LMNTD1: variants seen among roughly 807,000 people sequenced by gnomAD.
LMNTD1 encodes lamin tail domain containing 1, also known as lamin tail domain-containing protein 1.
Under a neutral mutation model 50.9 loss-of-function variants are expected in LMNTD1, and 35 were observed. The observed-to-expected ratio is 0.69, with a 90% CI of 0.53 to 0.91. The LOEUF (loss-of-function observed/expected upper bound fraction) is 0.91. Among genes scored for constraint, LMNTD1 ranks in the 40% least tolerant of loss-of-function variants. The pLI, the probability that LMNTD1 is intolerant of heterozygous loss-of-function variation, is 0.00. For synonymous variants in LMNTD1, 153 were observed against 161.9 expected, an observed-to-expected ratio of 0.94 and a Z score of 0.42; for missense variants, 470 against 475.5, an observed-to-expected ratio of 0.99 and a Z score of 0.11.
chr12:25,478,210 C>G (rs1419877955), intron 9 of LMNTD1, among the ~76,000 whole-genome samples: 1 of 152,136 alleles, frequency 6.6e-6, no homozygotes, highest in Non-Finnish European at 1.5e-5. Context: ...TATTAACCAT[C>G]ACAAGTCCAC....
intron 1 of LMNTD1, among the ~76,000 whole-genome samples, chr12:25,561,890 A>G (rs1944343596): frequency 6.6e-6 from 1 of 152,156 alleles, no homozygotes; most frequent in South Asian, 2.1e-4. Context: ...ACCATTATGT[A>G]ATGGCCTTCT....
At position 25,518,847 on chromosome 12, in the gene LMNTD1, G is replaced by C. The variant is rs1941005134; in HGVS notation, c.1137C>G (p.Gly379=). The C allele has an allele frequency of 6.2e-7, 1 of 1,613,992 alleles. No individual in the cohort carries two copies. The highest frequency in any genetic ancestry group is 8.5e-7 in the Non-Finnish European group (1 of 1,180,012). Residue 379 remains glycine (G), a synonymous_variant, in exon 8 of 10, where the codon GGC becomes GGG. Transcript: ENST00000458174. ...GAGTCCTGGGCTGTCTATCCAATCT[G>C]CCTCCAGCGGTGGATGTATTGTGTG... The part of the protein sequence containing the change: ...IEPHNTSTAG[G]RLDRQPRTRS...
intron 7 of LMNTD1, among the ~76,000 whole-genome samples, chr12:25,519,586 T>TAAAAAAAAAAAAAA (rs781742784): frequency 0.02 from 1,494 of 74,796 alleles, 270 homozygotes; most frequent in East Asian, 0.13. Context: ...AGACTCTGTC[T>TAAAAAAAAAAAAAA]CAAAAAAAAA....
chr12:25,539,831 G>A (rs1410981924), intron 4 of LMNTD1, among the ~76,000 whole-genome samples: 1 of 145,006 alleles, frequency 6.9e-6, no homozygotes, highest in East Asian at 2.1e-4. Flanking sequence ...CCGCTAGCAA[G>A]ACTAATAAAG....
Position 25,580,525 on chromosome 12 carries a change from G to A in LMNTD1, c.59-33971C>T, listed in dbSNP as rs116967995. On this transcript the variant is annotated intron_variant, in intron 1 of 7. Coordinates refer to the LMNTD1 transcript ENST00000445693. The stretch of plus-strand genomic sequence containing the variant: ...TTTATTCATCCTATTTCCAGGGACT[G>A]GCATAATATCCTCATATAGTTGTAC... 2.5e-3 allele frequency among the ~76,000 whole-genome samples: 378 copies of A among 152,086 alleles called. 2 individuals carry two copies. Among genetic ancestry groups the A allele is most frequent in the Middle Eastern group, 0.024 (7 of 294 alleles).
chr12:25,622,797 C>T (rs1483333562), intron 1 of LMNTD1, among the ~76,000 whole-genome samples: 2 of 151,982 alleles, frequency 1.3e-5, no homozygotes, highest in Non-Finnish European at 2.9e-5. Context: ...AACACAAAGG[C>T]GCCAAAAGGG....
intron 4 of LMNTD1, among the ~76,000 whole-genome samples, chr12:25,527,719 C>CAT (rs1234544646): frequency 3.2e-4 from 40 of 123,678 alleles, no homozygotes; most frequent in African/African-American, 1.2e-3. Flanking sequence ...CACACACACA[C>CAT]ATATACACAC....
At chr12:25,493,094 C>T (rs1938940000) in intron 9 of LMNTD1, among the ~76,000 whole-genome samples, 1 of 152,036 alleles carries the variant, frequency 6.6e-6, no homozygotes, top group Non-Finnish European at 1.5e-5. Context: ...TCAAAGAACC[C>T]TCAGGATTTT....
intron 1 of LMNTD1, among the ~76,000 whole-genome samples, chr12:25,559,172 T>A (rs1276126293): frequency 6.6e-6 from 1 of 152,050 alleles, no homozygotes; most frequent in Non-Finnish European, 1.5e-5. Context: ...ATTAGGTATA[T>A]CTCCTAATGC....
rs557612289 is a variant in LMNTD1 at position 25,606,713 on chromosome 12, G to T, written c.58+41781C>A. ...GATCATGGTGGATAAGCTTTTTCAT[G>T]TGCTGCTGGATTTGGTTTGCCAGTA... On this transcript the variant is annotated intron_variant, in intron 1 of 7. Coordinates refer to the LMNTD1 transcript ENST00000445693. Among the ~76,000 whole-genome samples, 283 of 152,318 alleles carry T rather than the reference G, an allele frequency of 1.9e-3. 1 individual carries two copies. The highest frequency in any genetic ancestry group is 6.8e-3 in the Middle Eastern group (2 of 294).
chr12:25,635,602 CA>C (rs1205183133), intron 1 of LMNTD1, among the ~76,000 whole-genome samples: 1 of 152,074 alleles, frequency 6.6e-6, no homozygotes, highest in Non-Finnish European at 1.5e-5. Context: ...ATCAAAATAC[CA>C]CAATCATTCT....
At chr12:25,552,450 C>CA (rs552411768) in intron 2 of LMNTD1, among the ~76,000 whole-genome samples, 216 of 151,722 alleles carry the variant, frequency 1.4e-3, no homozygotes, top group African/African-American at 5.0e-3. Flanking sequence ...ACTAAAAATA[C>CA]AAAAAATTAG....
At chr12:25,509,210 C>G (rs183165281) in intron 8 of LMNTD1, among the ~76,000 whole-genome samples, 2 of 152,114 alleles carry the variant, frequency 1.3e-5, no homozygotes. Flanking sequence ...CAGGTTCAAG[C>G]GATTCTCCTG....
chr12:25,526,619 G>A (rs963792552), intron 5 of LMNTD1, 150 bp downstream of exon 5: 4 of 476,758 alleles, frequency 8.4e-6, no homozygotes, highest in Non-Finnish European at 1.4e-5. Flanking sequence ...GATGGACAAA[G>A]TGCGGTAATT....
At chr12:25,584,923 T>G (rs1008782249) in intron 1 of LMNTD1, among the ~76,000 whole-genome samples, 1 of 152,224 alleles carries the variant, frequency 6.6e-6, no homozygotes, top group Non-Finnish European at 1.5e-5. Flanking sequence ...TTATATCATA[T>G]TTTCAAACTT....
chr12:25,630,036 C>A (rs973320536), intron 1 of LMNTD1, among the ~76,000 whole-genome samples: 2 of 151,978 alleles, frequency 1.3e-5, no homozygotes, highest in Admixed American at 1.3e-4. Context: ...GGGAAATAAG[C>A]AGTAAAAAAG....
intron 1 of LMNTD1, among the ~76,000 whole-genome samples, chr12:25,563,638 T>G (rs1944428818): frequency 6.6e-6 from 1 of 152,162 alleles, no homozygotes; most frequent in Non-Finnish European, 1.5e-5. Flanking sequence ...GATCTCAAAC[T>G]CCATGCTGGG....
chr12:25,607,477 A>T (rs1946140191), intron 1 of LMNTD1, among the ~76,000 whole-genome samples: 1 of 152,158 alleles, frequency 6.6e-6, no homozygotes, highest in South Asian at 2.1e-4. Flanking sequence ...TTTTAGTGCT[A>T]TAAATTTCCC....
chr12:25,526,778 G>A lies in LMNTD1; in HGVS notation c.669C>T (p.Ser223=). ...ATACTCTTATACTCACTGTTACTGT[G>A]GAATTTGCCTGCATTACGATGTTTG... is the stretch of plus-strand genomic sequence containing the variant. ...FLPNIVMQAN[S]TVTVWAAASE... Residue 223 remains serine, a synonymous_variant, in exon 5 of 10, where the codon TCC becomes TCT. Transcript: ENST00000458174. The A allele has an allele frequency of 1.2e-6, 2 of 1,604,930 alleles. No homozygotes were observed. The highest frequency in any genetic ancestry group is 4.5e-5 in the East Asian group (2 of 44,802).
Sources: allele counts gnomAD v4.1 joint callset (sites outside exome capture counted in the v4.1 genomes callset), GRCh38; gene constraint gnomAD v4.1.1; transcripts MANE v1.5; gene names NCBI Gene and HGNC (gene_info 2026-07-23, HGNC 2026-07-21).